Variants in ERLEC1 observed in about 807,000 individuals in gnomAD.
ERLEC1 encodes ER lectin.
ERLEC1 carries 47 observed loss-of-function variants against 68.0 expected under a neutral mutation model. The ratio of observed to expected loss-of-function variants is 0.69; its 90% confidence interval spans 0.55 to 0.88. ERLEC1 has a LOEUF of 0.88. Among genes scored for constraint, ERLEC1 ranks in the 40% least tolerant of loss-of-function variants. ERLEC1 has a pLI of 0.00. For synonymous variants in ERLEC1, 225 were observed against 203.2 expected (o/e 1.11, Z -0.91); for missense variants, 567 against 583.8 (o/e 0.97, Z 0.30).
chr2:53,792,411 A>G (rs1298423579), intron 1 of ERLEC1, among the ~76,000 whole-genome samples: 1 of 152,180 alleles, frequency 6.6e-6, no homozygotes, highest in East Asian at 1.9e-4. Flanking sequence ...ATGTTAAAAT[A>G]TTTAAAAGCT....
intron 8 of ERLEC1, among the ~76,000 whole-genome samples, chr2:53,804,511 A>G (rs1676174907): frequency 6.6e-6 from 1 of 152,130 alleles, no homozygotes; most frequent in Admixed American, 6.6e-5. Flanking sequence ...CCTGGCCTCA[A>G]GTGATCTGCT....
Position 53,801,607 on chromosome 2 carries a change from C to A in ERLEC1, c.736C>A (p.His246Asn). 1 of 1,613,842 alleles carries A rather than the reference C, an allele frequency of 6.2e-7. No homozygotes were observed. The highest frequency in any genetic ancestry group is 1.1e-5 in the South Asian group (1 of 91,004). The change falls in exon 7 of 14, where the codon CAT becomes AAT. Residue 246 changes from histidine (H) to asparagine (N), a missense_variant. By Grantham distance (68) the His-to-Asn change is moderately conservative (BLOSUM62 1). Coordinates refer to ENST00000185150, the MANE Select transcript of ERLEC1 (RefSeq NM_015701.5). Reference protein sequence around the residue: ...VVILTPLLCSHPKYRFRASPV... With the variant: ...VVILTPLLCSNPKYRFRASPV... ...CATTTTGACACCACTCTTGTGCAGT[C>A]ATCCTAAATATAGGTAGGATGTGCA...
At chr2:53,815,025 G>A in intron 13 of ERLEC1, 90 bp downstream of exon 13, 1 of 614,372 alleles carries the variant, frequency 1.6e-6, no homozygotes. Context: ...TTGTTTTTTT[G>A]AGACGGAGTC....
chr2:53,804,250 T>TTTG (rs767508463), intron 8 of ERLEC1, among the ~76,000 whole-genome samples: 2 of 152,052 alleles, frequency 1.3e-5, no homozygotes, highest in South Asian at 2.1e-4. Flanking sequence ...CATATACTCT[T>TTTG]TTGTTGTTGT....
intron 10 of ERLEC1, among the ~76,000 whole-genome samples, chr2:53,811,471 C>T (rs1312062818): frequency 6.6e-6 from 1 of 152,140 alleles, no homozygotes. Flanking sequence ...TTTTACCAAA[C>T]GTATTTTAGC....
chr2:53,788,079 A>G lies in ERLEC1; in HGVS notation c.162+707A>G, dbSNP rs1026971536. On this transcript the variant is annotated intron_variant, in intron 1 of 13. Coordinates refer to ENST00000185150, the MANE Select transcript of ERLEC1 (RefSeq NM_015701.5). ...CCCTCTTGGGGGAGTGGACCGCTGAAAAGTCTTCCTGTCCACGTGTACCTA... is the reference window on the plus strand; with the variant it reads ...CCCTCTTGGGGGAGTGGACCGCTGAGAAGTCTTCCTGTCCACGTGTACCTA... Among the ~76,000 whole-genome samples the G allele has an allele frequency of 3.3e-5, 5 of 152,204 alleles. No individual in the cohort carries two copies. In the East Asian group the frequency reaches 9.6e-4, roughly 29 times the overall value.
intron 6 of ERLEC1, among the ~76,000 whole-genome samples, chr2:53,799,346 CACTT>C (rs1224834145): frequency 1.3e-5 from 2 of 152,112 alleles, no homozygotes; most frequent in Non-Finnish European, 2.9e-5. Context: ...AGCATTATAT[CACTT>C]ACGTGCTTAG....
Position 53,805,075 on chromosome 2 carries a change from ACCTCCAACTCCTGGTTTCAAGTGATTCT to A in ERLEC1, c.880-3192_880-3165del, listed in dbSNP as rs1259538652. Among the ~76,000 whole-genome samples, 77 of 146,374 alleles carry A rather than the reference ACCTCCAACTCCTGGTTTCAAGTGATTCT, an allele frequency of 5.3e-4. No individual in the cohort carries two copies. The Middle Eastern group carries it at 0.025, about 48-fold the overall frequency. ...AGTGGTGCAATCTCTGCTCACTCCA[ACCTCCAACTCCTGGTTTCAAGTGATTCT>A]CCTCCAACTCCTGGTTTCAAGTGAT... On this transcript the variant is annotated intron_variant, in intron 8 of 13. Transcript: ENST00000185150.
chr2:53,797,328 A>G (rs1215451096), intron 3 of ERLEC1, among the ~76,000 whole-genome samples, 187 bp from the exon 4 acceptor site: 1 of 152,246 alleles, frequency 6.6e-6, no homozygotes, highest in Non-Finnish European at 1.5e-5. Context: ...GAATTCTCAC[A>G]TAGAGCTAGT....
At chr2:53,810,842 A>C (rs1676555784) in intron 10 of ERLEC1, among the ~76,000 whole-genome samples, 1 of 152,140 alleles carries the variant, frequency 6.6e-6, no homozygotes, top group Non-Finnish European at 1.5e-5. Flanking sequence ...TACTTTGCAG[A>C]TGTTTGTTTT....
Position 53,787,147 on chromosome 2 carries a change from C to T in ERLEC1, c.-64C>T, listed in dbSNP as rs1202539696. 18 of 1,418,078 alleles carry T rather than the reference C, an allele frequency of 1.3e-5. No homozygotes were observed. Among genetic ancestry groups the T allele is most frequent in the Non-Finnish European group, 1.6e-5 (17 of 1,073,838 alleles). The allele number at this position is 1,418,078 out of a possible 1,614,324, so 87.8% of individuals were successfully genotyped here. ...GCCGCCTCCTCCTCCACCTCCTCCT[C>T]CTCCTCCTCTCCTCCTGGAGCAGAG... On this transcript the variant is annotated 5_prime_UTR_variant, in exon 1 of 14. Transcript: ENST00000185150.
chr2:53,798,537 TG>T (rs916725012), intron 5 of ERLEC1, among the ~76,000 whole-genome samples: 3 of 151,888 alleles, frequency 2.0e-5, no homozygotes, highest in Non-Finnish European at 4.4e-5. Flanking sequence ...TGGGATCGTA[TG>T]CATGAGGATG....
At chr2:53,789,687 T>A (rs79152456) in intron 1 of ERLEC1, among the ~76,000 whole-genome samples, 1 of 152,178 alleles carries the variant, frequency 6.6e-6, no homozygotes, top group Non-Finnish European at 1.5e-5. Flanking sequence ...TGATTTTTTT[T>A]AATACTTCTA....
chr2:53,810,675 T>C (rs1212458883), intron 10 of ERLEC1, among the ~76,000 whole-genome samples: 2 of 152,238 alleles, frequency 1.3e-5, no homozygotes, highest in African/African-American at 4.8e-5. Context: ...TAGATCATAC[T>C]GGGACAGACT....
At chr2:53,794,573 A>T in intron 2 of ERLEC1, 124 bp downstream of exon 2, 1 of 552,794 alleles carries the variant, frequency 1.8e-6, no homozygotes, top group Non-Finnish European at 3.2e-6. Flanking sequence ...TAGCATAAAA[A>T]TAGTAATCAC....
At chr2:53,802,595 G>A (rs1676063509) in intron 8 of ERLEC1, among the ~76,000 whole-genome samples, 1 of 152,126 alleles carries the variant, frequency 6.6e-6, no homozygotes, top group African/African-American at 2.4e-5. Flanking sequence ...CTTTGATTAT[G>A]TGTTTAATCT....
intron 10 of ERLEC1, among the ~76,000 whole-genome samples, chr2:53,811,660 T>G (rs1254601439): frequency 6.6e-6 from 1 of 152,174 alleles, no homozygotes; most frequent in Non-Finnish European, 1.5e-5. Flanking sequence ...TATTCCAAGA[T>G]GAGGAAATAG....
chr2:53,814,075 C>G (rs1001414517), intron 11 of ERLEC1, among the ~76,000 whole-genome samples: 2 of 152,150 alleles, frequency 1.3e-5, no homozygotes, highest in African/African-American at 4.8e-5. Context: ...TAAAATGAAG[C>G]TTTTCTTTGG....
chr2:53,812,258 G>C (rs932480746), intron 10 of ERLEC1, among the ~76,000 whole-genome samples: 1 of 152,056 alleles, frequency 6.6e-6, no homozygotes, highest in Non-Finnish European at 1.5e-5. Flanking sequence ...TTAGTGCCCA[G>C]CATGGTTGTC....
Sources: allele counts gnomAD v4.1 joint callset (sites outside exome capture counted in the v4.1 genomes callset), GRCh38; gene constraint gnomAD v4.1.1; transcripts MANE v1.5; gene names NCBI Gene and HGNC (gene_info 2026-07-23, HGNC 2026-07-21).